TACR1: variants seen among roughly 807,000 people sequenced by gnomAD.
The protein encoded by TACR1 is tachykinin receptor 1.
A neutral mutation model predicts 35.8 loss-of-function variants in TACR1; 25 were observed. The ratio of observed to expected loss-of-function variants is 0.70; its 90% CI spans 0.51 to 0.98. TACR1 has a LOEUF of 0.98. TACR1 is among the 50% of genes least tolerant of loss of function. The pLI is 0.00. For synonymous variants in TACR1, 195 were observed against 206.7 expected, an observed-to-expected ratio of 0.94 and a Z score of 0.48; for missense variants, 478 against 522.9, an observed-to-expected ratio of 0.91 and a Z score of 0.84.
chr2:75,069,326 C>A (rs1014210861), intron 2 of TACR1, among the ~76,000 whole-genome samples: 1 of 138,602 alleles, frequency 7.2e-6, no homozygotes, highest in Non-Finnish European at 1.5e-5. Flanking sequence ...ATATCTATAT[C>A]TATATATGTA....
intron 1 of TACR1, chr2:75,189,260 G>A (rs1268924949): frequency 6.6e-6 from 1 of 152,200 alleles, no homozygotes; most frequent in Admixed American, 6.5e-5. Context: ...GCAGCTCTGG[G>A]CAAGACCCCT....
intron 2 of TACR1, among the ~76,000 whole-genome samples, chr2:75,109,166 C>G (rs1673704892): frequency 6.6e-6 from 1 of 152,200 alleles, no homozygotes; most frequent in African/African-American, 2.4e-5. Context: ...CTTGAACCTT[C>G]TGTCATCTTT....
chr2:75,054,198 A>G (rs1322326298), intron 2 of TACR1, among the ~76,000 whole-genome samples: 3 of 152,190 alleles, frequency 2.0e-5, no homozygotes, highest in African/African-American at 7.2e-5. Context: ...CTCAATTCAT[A>G]CCCGCCAGAC....
chr2:75,073,877 A>T (rs144604790), intron 2 of TACR1, among the ~76,000 whole-genome samples: 1 of 152,236 alleles, frequency 6.6e-6, no homozygotes, highest in East Asian at 1.9e-4. Flanking sequence ...TTAGACATTT[A>T]CAGAATATGT....
At chr2:75,109,181 T>G (rs192126611) in intron 2 of TACR1, among the ~76,000 whole-genome samples, 120 of 152,232 alleles carry the variant, frequency 7.9e-4, no homozygotes, top group Non-Finnish European at 1.6e-3. Flanking sequence ...ATCTTTGGGA[T>G]GTACAATCGG....
rs145633594 is a variant in TACR1 at position 75,130,212 on chromosome 2, A to C, written c.390-9444T>G. Among the ~76,000 whole-genome samples the C allele has an allele frequency of 2.0e-4, 31 of 152,298 alleles. No homozygotes were observed. In the East Asian group the frequency reaches 5.6e-3, roughly 28 times the overall value. ...GCTACACTTGCCTCACCCTAATCCC[A>C]GCCTTGAAAATGTCTCCTGCTGAAG... On this transcript the variant is annotated intron_variant, in intron 1 of 4. Coordinates refer to ENST00000305249, the MANE Select transcript of TACR1 (RefSeq NM_001058.4).
In TACR1 at chr2:75,049,276, A is replaced by G. The variant is rs201901842; in HGVS notation, c.*156T>C. The G allele has an allele frequency of 1.5e-4, 116 of 789,874 alleles. 1 individual carries two copies. The South Asian group carries it at 2.2e-3, about 15-fold the overall frequency. 48.9% of individuals were successfully genotyped at this position (789,874 alleles called of 1,614,324 possible). ...GATAGGGAAGAATTGAGATTTTTTG[A>G]CTCAAGGATGGAATGTTTTCCCTAA... On this transcript the variant is annotated 3_prime_UTR_variant, in exon 5 of 5. Transcript: ENST00000305249.
At chr2:75,113,186 T>C (rs1263105559) in intron 2 of TACR1, among the ~76,000 whole-genome samples, 1 of 152,232 alleles carries the variant, frequency 6.6e-6, no homozygotes, top group Non-Finnish European at 1.5e-5. Context: ...TGATAATTTA[T>C]GGTTTTGTGG....
intron 1 of TACR1, among the ~76,000 whole-genome samples, chr2:75,169,503 T>C (rs1368674009): frequency 6.6e-6 from 1 of 152,228 alleles, no homozygotes; most frequent in Non-Finnish European, 1.5e-5. Flanking sequence ...CTGACATTTA[T>C]TGCCATCTAT....
chr2:75,150,966 G>T (rs1007252071), intron 1 of TACR1, among the ~76,000 whole-genome samples: 1 of 152,186 alleles, frequency 6.6e-6, no homozygotes, highest in African/African-American at 2.4e-5. Context: ...GAGATTGGTG[G>T]CATTTTGCCC....
At position 75,049,216 on chromosome 2, in the gene TACR1, A is replaced by T; in HGVS notation, c.*216T>A. The T allele has an allele frequency of 3.6e-6, 2 of 557,846 alleles. No homozygotes were observed. Among genetic ancestry groups the T allele is most frequent in the Non-Finnish European group, 6.2e-6 (2 of 320,904 alleles). The allele number at this position is 557,846 out of a possible 1,614,324, so 34.6% of individuals were successfully genotyped here. Reference sequence around the variant, plus strand: ...TTTACAGGCTCAGCAAAGTTCAGTGATTTGGTTTGAGTCACACAGCATGAG... The same window carrying T: ...TTTACAGGCTCAGCAAAGTTCAGTGTTTTGGTTTGAGTCACACAGCATGAG... On this transcript the variant is annotated 3_prime_UTR_variant, in exon 5 of 5. Coordinates refer to ENST00000305249, the MANE Select transcript of TACR1 (RefSeq NM_001058.4).
chr2:75,139,630 G>C (rs1245164528), intron 1 of TACR1, among the ~76,000 whole-genome samples: 1 of 152,202 alleles, frequency 6.6e-6, no homozygotes, highest in East Asian at 1.9e-4. Context: ...ATAGGAAGTA[G>C]AATATGTCAG....
chr2:75,181,323 A>G (rs1675553324), intron 1 of TACR1, among the ~76,000 whole-genome samples: 1 of 152,154 alleles, frequency 6.6e-6, no homozygotes, highest in African/African-American at 2.4e-5. Context: ...CTTTAAAAAC[A>G]TCTAGAAAAT....
At chr2:75,078,918 G>A (rs748457994) in intron 2 of TACR1, among the ~76,000 whole-genome samples, 2 of 152,092 alleles carry the variant, frequency 1.3e-5, no homozygotes, top group African/African-American at 4.8e-5. Context: ...AAATCCTGAA[G>A]AGTCTCAGTA....
chr2:75,094,052 C>T lies in TACR1; in HGVS notation c.584+26522G>A, dbSNP rs759270966. Among the ~76,000 whole-genome samples the T allele has an allele frequency of 4.5e-4, 69 of 152,238 alleles. 1 individual carries two copies. The highest frequency in any genetic ancestry group is 7.1e-4 in the Non-Finnish European group (48 of 68,016). ...GTGCTCTTACCTGACACCACGTTTT[C>T]GTAGTTTTGTTTAAGATACTCTGTC... On this transcript the variant is annotated intron_variant, in intron 2 of 4. Transcript: ENST00000305249.
chr2:75,189,072 G>T (rs1007134292), intron 1 of TACR1: 1 of 152,126 alleles, frequency 6.6e-6, no homozygotes, highest in Admixed American at 6.5e-5. Flanking sequence ...CGTTAATCAG[G>T]TAGATAAAGG....
Position 75,198,878 on chromosome 2 carries a change from G to T in TACR1, c.57C>A (p.Thr19=). 1.9e-6 allele frequency: 3 copies of T among 1,614,054 alleles called. No homozygotes were observed. Among genetic ancestry groups the T allele is most frequent in the Non-Finnish European group, 2.5e-6 (3 of 1,180,038 alleles). Residue 19 remains threonine (T), a synonymous_variant, in exon 1 of 5, where the codon ACC becomes ACA. Coordinates refer to ENST00000305249, the MANE Select transcript of TACR1 (RefSeq NM_001058.4). ...SDLSPNISTN[T]SEPNQFVQPA... is the part of the protein sequence containing the mutation. ...GTTGCACGAACTGATTGGGTTCCGAGGTGTTAGTGGAGATGTTTGGGGAGA... is the reference window on the plus strand; with the variant it reads ...GTTGCACGAACTGATTGGGTTCCGATGTGTTAGTGGAGATGTTTGGGGAGA...
intron 2 of TACR1, among the ~76,000 whole-genome samples, chr2:75,082,612 C>T (rs1673112017): frequency 6.6e-6 from 1 of 152,146 alleles, no homozygotes; most frequent in South Asian, 2.1e-4. Context: ...TTAATGATTG[C>T]CATTCTAACT....
At chr2:75,107,157 T>C (rs1462647106) in intron 2 of TACR1, among the ~76,000 whole-genome samples, 2 of 151,946 alleles carry the variant, frequency 1.3e-5, no homozygotes, top group African/African-American at 4.8e-5. Flanking sequence ...TAAATAGAGA[T>C]ATAAATATAT....
Sources: allele counts gnomAD v4.1 joint callset (sites outside exome capture counted in the v4.1 genomes callset), GRCh38; gene constraint gnomAD v4.1.1; transcripts MANE v1.5; gene names NCBI Gene and HGNC (gene_info 2026-07-23, HGNC 2026-07-21).